QRFPR: variants seen among roughly 807,000 people sequenced by gnomAD.
The protein encoded by QRFPR is pyroglutamylated RFamide peptide receptor, also known as pyroglutamylated RF-amide peptide receptor.
A neutral mutation model predicts 31.3 loss-of-function variants in QRFPR; 37 were observed. That is an observed-to-expected ratio of 1.18 (90% CI 0.91 to 1.56). The LOEUF (loss-of-function observed/expected upper bound fraction) is 1.56. QRFPR is among the 40% of genes most tolerant of loss of function. The pLI, the probability that QRFPR is intolerant of heterozygous loss-of-function variation, is 0.00. For missense variants in QRFPR, 542 were observed against 532.5 expected (o/e 1.02, Z -0.18); for synonymous variants, 197 against 192.0 (o/e 1.03, Z -0.22).
At chr4:121,376,950 T>C (rs1726365774) in intron 1 of QRFPR, among the ~76,000 whole-genome samples, 1 of 152,044 alleles carries the variant, frequency 6.6e-6, no homozygotes, top group Non-Finnish European at 1.5e-5. Flanking sequence ...ACTCAATAGG[T>C]GCTGCTGGTC....
intron 4 of QRFPR, 93 bp downstream of exon 4, chr4:121,332,728 A>G (rs950804620): frequency 1.1e-5 from 10 of 919,108 alleles, no homozygotes; most frequent in Non-Finnish European, 1.7e-5. Context: ...CTTAGACTAA[A>G]TTACCTAGAG....
At chr4:121,332,493 C>T (rs1215813694) in intron 4 of QRFPR, among the ~76,000 whole-genome samples, 3 of 152,106 alleles carry the variant, frequency 2.0e-5, no homozygotes, top group Non-Finnish European at 4.4e-5. Flanking sequence ...TATCTTGTGG[C>T]TGGTGAGTGA....
chr4:121,350,662 G>A (rs1725747376), intron 1 of QRFPR, among the ~76,000 whole-genome samples: 1 of 152,034 alleles, frequency 6.6e-6, no homozygotes, highest in South Asian at 2.1e-4. Flanking sequence ...TGATGTATTT[G>A]GAAGGTATTT....
intron 5 of QRFPR, 87 bp downstream of exon 5, chr4:121,330,339 G>A: frequency 1.1e-6 from 1 of 906,738 alleles, no homozygotes; most frequent in Non-Finnish European, 1.8e-6. Context: ...TTATCCAAGT[G>A]AACAGCGACA....
chr4:121,376,050 C>G (rs1322989674), intron 1 of QRFPR, among the ~76,000 whole-genome samples: 1 of 152,126 alleles, frequency 6.6e-6, no homozygotes, highest in Admixed American at 6.6e-5. Flanking sequence ...TTTGGTGGCC[C>G]TAAGGAGGCA....
chr4:121,380,167 GAGAC>G (rs1435265224), intron 1 of QRFPR, 137 bp downstream of exon 1: 51 of 624,194 alleles, frequency 8.2e-5, no homozygotes, highest in East Asian at 8.4e-5. Context: ...AGACGAGAGA[GAGAC>G]AGACAGACGA....
chr4:121,334,108 T>C (rs1725388507), intron 3 of QRFPR, among the ~76,000 whole-genome samples: 1 of 152,090 alleles, frequency 6.6e-6, no homozygotes, highest in Non-Finnish European at 1.5e-5. Flanking sequence ...TCATTCCAAC[T>C]CCATGGAAGC....
chr4:121,330,748 A>G (rs1725306058), intron 4 of QRFPR, among the ~76,000 whole-genome samples: 1 of 152,234 alleles, frequency 6.6e-6, no homozygotes. Flanking sequence ...GCACTCTGCT[A>G]GATGCATGAC....
intron 2 of QRFPR, among the ~76,000 whole-genome samples, chr4:121,337,914 G>A (rs1473592538): frequency 1.3e-5 from 2 of 152,140 alleles, no homozygotes; most frequent in Non-Finnish European, 2.9e-5. Flanking sequence ...ACGGAACCAA[G>A]GGCCCCAACT....
intron 1 of QRFPR, among the ~76,000 whole-genome samples, chr4:121,342,758 C>A (rs1725567720): frequency 6.6e-6 from 1 of 151,956 alleles, no homozygotes; most frequent in Admixed American, 6.6e-5. Flanking sequence ...TACGTTAGGC[C>A]ATTAATAAAT....
intron 1 of QRFPR, among the ~76,000 whole-genome samples, chr4:121,378,501 C>T (rs892727779): frequency 1.1e-4 from 16 of 150,560 alleles, no homozygotes; most frequent in African/African-American, 3.7e-4. Context: ...CAACCTCTGC[C>T]TCCCGGGGTC....
At chr4:121,350,400 C>T (rs1356919936) in intron 1 of QRFPR, among the ~76,000 whole-genome samples, 1 of 152,194 alleles carries the variant, frequency 6.6e-6, no homozygotes, top group Non-Finnish European at 1.5e-5. Flanking sequence ...TCCCCGTTAT[C>T]ACTATGATCA....
chr4:121,360,892 T>G (rs1725976430), intron 1 of QRFPR, among the ~76,000 whole-genome samples: 1 of 152,212 alleles, frequency 6.6e-6, no homozygotes, highest in Non-Finnish European at 1.5e-5. Flanking sequence ...AAAAGCTTGT[T>G]GTCTCTCCCC....
intron 1 of QRFPR, among the ~76,000 whole-genome samples, chr4:121,374,899 C>T (rs936037898): frequency 6.6e-6 from 1 of 152,142 alleles, no homozygotes; most frequent in South Asian, 2.1e-4. Context: ...CCAGCCACTG[C>T]TAGAAAATTC....
At chr4:121,337,168 C>G (rs1158269839) in intron 2 of QRFPR, among the ~76,000 whole-genome samples, 1 of 152,216 alleles carries the variant, frequency 6.6e-6, no homozygotes, top group Non-Finnish European at 1.5e-5. Context: ...TCTCTCTCCT[C>G]TTTCATTTCT....
At chr4:121,354,900 G>A (rs1725835830) in intron 1 of QRFPR, among the ~76,000 whole-genome samples, 1 of 152,016 alleles carries the variant, frequency 6.6e-6, no homozygotes, top group Admixed American at 6.6e-5. Flanking sequence ...AACTATCCTT[G>A]CATCCCAGAA....
At position 121,340,588 on chromosome 4, in the gene QRFPR, C is replaced by T; in HGVS notation, c.363G>A (p.Val121=). 6.2e-7 allele frequency: 1 copy of T among 1,613,678 alleles called. No individual in the cohort carries two copies. Among genetic ancestry groups the T allele is most frequent in the East Asian group, 2.2e-5 (1 of 44,858 alleles). ...WLGGAFICKM[V]PFVQSTAVVT... ...CAACAGCGGTAGACTGGACAAATGG[C>T]ACCATCTTGCAAATGAAAGCACCTG... is the stretch of plus-strand genomic sequence containing the variant. Residue 121 remains valine (V), a synonymous_variant, in exon 2 of 6, where the codon GTG becomes GTA. Coordinates refer to ENST00000394427, the MANE Select transcript of QRFPR (RefSeq NM_198179.3).
intron 1 of QRFPR, among the ~76,000 whole-genome samples, chr4:121,355,349 A>G (rs1725846184): frequency 6.6e-6 from 1 of 152,138 alleles, no homozygotes; most frequent in Non-Finnish European, 1.5e-5. Context: ...CTTCTAATGT[A>G]TTGTCATACA....
chr4:121,362,823 TAGGATAAAA>T lies in QRFPR; in HGVS notation c.340+17476_340+17484del, dbSNP rs1185271119. Among the ~76,000 whole-genome samples the T allele has an allele frequency of 2.7e-5, 4 of 150,400 alleles. 1 individual carries two copies. The highest frequency in any genetic ancestry group is 5.9e-5 in the Non-Finnish European group (4 of 67,658). ...AAGACCACTTAAAAAGAAGTCTGCCTAGGATAAAAGCAAATCCAATTTAGATAACTAACC... is the reference window on the plus strand; with the variant it reads ...AAGACCACTTAAAAAGAAGTCTGCCTGCAAATCCAATTTAGATAACTAACC... On this transcript the variant is annotated intron_variant, in intron 1 of 5. Transcript: ENST00000394427.
Sources: gnomAD v4.1 joint callset for allele counts (sites outside exome capture counted in the v4.1 genomes callset) on GRCh38, gnomAD v4.1.1 for gene constraint, MANE v1.5 for transcripts, NCBI Gene and HGNC (gene_info 2026-07-23, HGNC 2026-07-21) for gene names.